MBNL2: variants seen among roughly 807,000 people sequenced by gnomAD.
The protein encoded by MBNL2 is muscleblind like splicing regulator 2.
MBNL2 carries 17 observed loss-of-function variants against 41.9 expected under a neutral mutation model. The ratio of observed to expected loss-of-function variants is 0.41; its 90% CI spans 0.28 to 0.61. MBNL2 has a LOEUF of 0.61. Among genes scored for constraint, MBNL2 ranks in the 20% least tolerant of loss-of-function variants. MBNL2 has a pLI of 0.35. For missense variants in MBNL2, 336 were observed against 505.6 expected, an observed-to-expected ratio of 0.66 and a Z score of 3.22; for synonymous variants, 195 against 182.9, an observed-to-expected ratio of 1.07 and a Z score of -0.53.
At chr13:97,338,262 C>T (rs771144787) in intron 3 of MBNL2, among the ~76,000 whole-genome samples, 6 of 152,168 alleles carry the variant, frequency 3.9e-5, no homozygotes, top group African/African-American at 1.2e-4. Flanking sequence ...CTGTCCATGT[C>T]TTAGTGCTTT....
At chr13:97,202,439 C>A in the MBNL2 span, among the ~76,000 whole-genome samples, 1 of 152,150 alleles carries the variant, frequency 6.6e-6, no homozygotes, top group African/African-American at 2.4e-5. Flanking sequence ...GTGTAAAGTA[C>A]CTACCTTCCA....
intron 2 of MBNL2, among the ~76,000 whole-genome samples, chr13:97,321,993 G>T (rs1045438347): frequency 1.3e-5 from 2 of 152,192 alleles, no homozygotes; most frequent in Non-Finnish European, 2.9e-5. Flanking sequence ...CTTAGAAACT[G>T]CCTGGTAGAT....
the MBNL2 span, among the ~76,000 whole-genome samples, chr13:97,190,057 G>A: frequency 8.7e-4 from 133 of 152,352 alleles, no homozygotes; most frequent in Non-Finnish European, 1.6e-3. Context: ...GTAAGACAGC[G>A]TGGGGCTCGG....
At chr13:97,323,006 T>G (rs2059629499) in intron 2 of MBNL2, among the ~76,000 whole-genome samples, 1 of 151,720 alleles carries the variant, frequency 6.6e-6, no homozygotes, top group South Asian at 2.1e-4. Flanking sequence ...GGCACTGGAG[T>G]GGCCAGAGAA....
intron 7 of MBNL2, among the ~76,000 whole-genome samples, chr13:97,359,285 AT>A (rs201424839): frequency 5.4e-4 from 82 of 152,024 alleles, no homozygotes; most frequent in Middle Eastern, 6.8e-3. Context: ...AAAAAAAAAA[AT>A]TAAGGAAGAA....
Position 97,393,802 on chromosome 13 carries a change from A to T in MBNL2, c.*2353A>T, listed in dbSNP as rs2066452898. On this transcript the variant is annotated 3_prime_UTR_variant, in exon 9 of 9. Transcript: ENST00000679496. ...CTTAAATGCTTTGTTTAATTAAAAA[A>T]CAAAAATCACCAATATCCAAGACAT... The T allele has an allele frequency of 6.6e-6, 1 of 152,514 alleles. No homozygotes were observed. Among genetic ancestry groups the T allele is most frequent in the Non-Finnish European group, 1.5e-5 (1 of 67,980 alleles). 9.4% of individuals were successfully genotyped at this position (152,514 alleles called of 1,614,324 possible). A position where few individuals can be genotyped will look rare whatever the true frequency, so the allele number is the denominator to read the frequency against.
At chr13:97,279,991 G>A (rs546951235) in intron 2 of MBNL2, among the ~76,000 whole-genome samples, 3 of 152,282 alleles carry the variant, frequency 2.0e-5, no homozygotes, top group African/African-American at 4.8e-5. Context: ...GGAAGTTTCA[G>A]TATTATTATG....
chr13:97,228,932 C>T (rs1443158295), intron 1 of MBNL2, among the ~76,000 whole-genome samples: 3 of 151,362 alleles, frequency 2.0e-5, no homozygotes, highest in Non-Finnish European at 4.4e-5. Flanking sequence ...TCATTGGCCA[C>T]AAAAGTAGAA....
chr13:97,235,972 A>G (rs2043206211), intron 1 of MBNL2, among the ~76,000 whole-genome samples: 2 of 151,948 alleles, frequency 1.3e-5, no homozygotes, highest in South Asian at 4.2e-4. Flanking sequence ...CTATCCGCAA[A>G]TTTGACGGTG....
intron 2 of MBNL2, among the ~76,000 whole-genome samples, chr13:97,280,066 A>G (rs1846852731): frequency 6.6e-6 from 1 of 152,208 alleles, no homozygotes; most frequent in African/African-American, 2.4e-5. Flanking sequence ...GCTGTGTTCC[A>G]CGAGTTAGGT....
At chr13:97,350,073 T>C (rs1334550600) in intron 5 of MBNL2, among the ~76,000 whole-genome samples, 1 of 152,124 alleles carries the variant, frequency 6.6e-6, no homozygotes, top group Non-Finnish European at 1.5e-5. Context: ...GAAATATTAG[T>C]CCTTCAAGTA....
chr13:97,168,271 T>A, the MBNL2 span, among the ~76,000 whole-genome samples: 1 of 152,186 alleles, frequency 6.6e-6, no homozygotes, highest in South Asian at 2.1e-4. Flanking sequence ...GCCTTGCGTA[T>A]GTTTTAATTA....
the MBNL2 span, among the ~76,000 whole-genome samples, chr13:97,183,927 C>G: frequency 6.6e-6 from 1 of 152,154 alleles, no homozygotes; most frequent in Admixed American, 6.5e-5. Context: ...AACCAAATCC[C>G]CAGTCTCTTT....
Position 97,366,417 on chromosome 13 carries a change from A to C in MBNL2, c.1048+1246A>C. Reference sequence around the variant, plus strand: ...ATACCACTTCTATTACCATAATGCTACACCCTCCTGTTCATTGCTCCCATG... The same window carrying C: ...ATACCACTTCTATTACCATAATGCTCCACCCTCCTGTTCATTGCTCCCATG... On this transcript the variant is annotated intron_variant, in intron 8 of 8. Transcript: ENST00000679496. The surrounding 1 kb of genome is among the most constrained non-coding windows in gnomAD (Gnocchi z 4.7). 1 of 924,604 alleles carries C rather than the reference A, an allele frequency of 1.1e-6. No individual in the cohort carries two copies. Among genetic ancestry groups the C allele is most frequent in the Non-Finnish European group, 1.8e-6 (1 of 558,920 alleles). The allele number at this position is 924,604 out of a possible 1,614,324, so 57.3% of individuals were successfully genotyped here.
At chr13:97,199,709 T>C in the MBNL2 span, among the ~76,000 whole-genome samples, 3 of 152,238 alleles carry the variant, frequency 2.0e-5, no homozygotes, top group Non-Finnish European at 4.4e-5. Flanking sequence ...AAGCTCAGGC[T>C]CTCTGTCAGA....
chr13:97,331,463 T>G (rs1171695752), intron 2 of MBNL2, among the ~76,000 whole-genome samples: 1 of 152,220 alleles, frequency 6.6e-6, no homozygotes, highest in East Asian at 1.9e-4. Context: ...ATACATATCT[T>G]ATTATATTTA....
chr13:97,256,439 T>C (rs2047546688), intron 1 of MBNL2, among the ~76,000 whole-genome samples: 3 of 152,138 alleles, frequency 2.0e-5, no homozygotes, highest in Admixed American at 2.0e-4. Context: ...GGAAATTGGT[T>C]ATAGCAACCA....
In MBNL2 at chr13:97,343,836, C is replaced by T. The variant is rs562338736; in HGVS notation, c.540+620C>T. Reference sequence around the variant, plus strand: ...TTGGTTTGGTTTTGAGACGTAGTTTCGCTCTTGTTGCCCAGGCTGGAGTGC... The same window carrying T: ...TTGGTTTGGTTTTGAGACGTAGTTTTGCTCTTGTTGCCCAGGCTGGAGTGC... On this transcript the variant is annotated intron_variant, in intron 4 of 8. Transcript: ENST00000679496. 2.6e-5 allele frequency among the ~76,000 whole-genome samples: 4 copies of T among 152,248 alleles called. No homozygotes were observed. The South Asian group carries it at 8.3e-4, about 32-fold the overall frequency.
chr13:97,330,421 C>A (rs2060335344), intron 2 of MBNL2, among the ~76,000 whole-genome samples: 1 of 152,204 alleles, frequency 6.6e-6, no homozygotes, highest in Non-Finnish European at 1.5e-5. Flanking sequence ...GTCCCTGCCA[C>A]TAGGCACTGG....
Sources: gnomAD v4.1 joint callset for allele counts (sites outside exome capture counted in the v4.1 genomes callset) on GRCh38, gnomAD v4.1.1 for gene constraint, Gnocchi (gnomAD v3.1) non-coding constraint, MANE v1.5 for transcripts, NCBI Gene and HGNC (gene_info 2026-07-23, HGNC 2026-07-21) for gene names.